PJA2: variants seen among roughly 807,000 people sequenced by gnomAD.
PJA2 encodes the protein praja ring finger ubiquitin ligase 2, also known as E3 ubiquitin-protein ligase Praja-2.
PJA2 carries 25 observed loss-of-function variants against 69.3 expected under a neutral mutation model. The ratio of observed to expected loss-of-function variants is 0.36; its 90% CI spans 0.26 to 0.50. The LOEUF (loss-of-function observed/expected upper bound fraction) is 0.50, where lower values mean the gene tolerates loss of function less well. PJA2 is among the 20% of genes least tolerant of loss of function. PJA2 has a pLI of 0.96. For synonymous variants in PJA2, 308 were observed against 277.8 expected, an observed-to-expected ratio of 1.11 and a Z score of -1.08; for missense variants, 809 against 830.2, an observed-to-expected ratio of 0.97 and a Z score of 0.31.
Position 109,335,198 on chromosome 5 carries a change from T to A in PJA2, c.*2033A>T, listed in dbSNP as rs543474365. 3.3e-5 allele frequency: 5 copies of A among 152,742 alleles called. No homozygotes were observed. Among genetic ancestry groups the A allele is most frequent in the Non-Finnish European group, 7.3e-5 (5 of 68,028 alleles). 9.5% of individuals were successfully genotyped at this position (152,742 alleles called of 1,614,324 possible). A position where few individuals can be genotyped will look rare whatever the true frequency, so the allele number is the denominator to read the frequency against. Reference sequence around the variant, plus strand: ...CCATGAAAATCCTAAAACCTCAATTTTCTTTTTCTTTTTTAAAATTTAAGC... The same window carrying A: ...CCATGAAAATCCTAAAACCTCAATTATCTTTTTCTTTTTTAAAATTTAAGC... On this transcript the variant is annotated 3_prime_UTR_variant, in exon 10 of 10. Coordinates refer to ENST00000361189, the MANE Select transcript of PJA2 (RefSeq NM_014819.5).
chr5:109,395,010 T>C (rs1230523163), intron 1 of PJA2, among the ~76,000 whole-genome samples: 1 of 152,186 alleles, frequency 6.6e-6, no homozygotes, highest in South Asian at 2.1e-4. Flanking sequence ...ACTATCTGTA[T>C]GAGCCAACAA....
intron 1 of PJA2, among the ~76,000 whole-genome samples, 183 bp from the exon 2 acceptor site, chr5:109,383,703 G>A (rs974849589): frequency 1.3e-5 from 2 of 152,142 alleles, no homozygotes; most frequent in African/African-American, 4.8e-5. Flanking sequence ...AGGCCAAGGC[G>A]AGCAAATCAG....
chr5:109,378,087 T>C (rs1582612544), intron 4 of PJA2, 117 bp downstream of exon 4: 4 of 692,924 alleles, frequency 5.8e-6, no homozygotes, highest in East Asian at 2.7e-5. Flanking sequence ...AAATATTTGG[T>C]AAGTCAAAAT....
chr5:109,358,895 G>T (rs1762465837), intron 6 of PJA2, among the ~76,000 whole-genome samples: 1 of 151,954 alleles, frequency 6.6e-6, no homozygotes, highest in South Asian at 2.1e-4. Flanking sequence ...CTAGTGGATG[G>T]AAGTTTGATA....
At chr5:109,388,839 T>A (rs1463516450) in intron 1 of PJA2, among the ~76,000 whole-genome samples, 1 of 152,200 alleles carries the variant, frequency 6.6e-6, no homozygotes, top group East Asian at 1.9e-4. Flanking sequence ...ATCAGTCTTG[T>A]ATAATTAACT....
chr5:109,397,252 A>G (rs896563575), intron 1 of PJA2, among the ~76,000 whole-genome samples: 1 of 152,222 alleles, frequency 6.6e-6, no homozygotes, highest in Non-Finnish European at 1.5e-5. Context: ...TTTATAAATT[A>G]CCCAGTCTTA....
chr5:109,383,925 C>G (rs760374145), intron 1 of PJA2, among the ~76,000 whole-genome samples: 1 of 152,046 alleles, frequency 6.6e-6, no homozygotes, highest in Non-Finnish European at 1.5e-5. Context: ...GAGATCCCGT[C>G]CCAAAAATAA....
chr5:109,370,959 C>T (rs1017695811), intron 4 of PJA2, among the ~76,000 whole-genome samples: 2 of 152,168 alleles, frequency 1.3e-5, no homozygotes, highest in African/African-American at 4.8e-5. Context: ...AACTTCAATA[C>T]AAGAGGAATG....
rs376023055 is a variant in PJA2 at position 109,383,510 on chromosome 5, G to A, written c.-77C>T. The A allele has an allele frequency of 3.5e-5, 41 of 1,186,200 alleles. No homozygotes were observed. Among genetic ancestry groups the A allele is most frequent in the African/African-American group, 6.0e-5 (4 of 67,000 alleles). The allele number at this position is 1,186,200 out of a possible 1,614,324, so 73.5% of individuals were successfully genotyped here. ...TTTTTATTCACACTATGGACAAGCCGCAGAAGATTCCTACAAAGAAACAAT... is the reference window on the plus strand; with the variant it reads ...TTTTTATTCACACTATGGACAAGCCACAGAAGATTCCTACAAAGAAACAAT... On this transcript the variant is annotated 5_prime_UTR_variant, in exon 2 of 10. Transcript: ENST00000361189.
rs1417984325 is a variant in PJA2 at position 109,344,791 on chromosome 5, G to C, written c.1793C>G (p.Ala598Gly). Residue 598 changes from alanine (A) to glycine (G), a missense_variant, in exon 8 of 10, where the codon GCA (alanine) becomes GGA (glycine). Ala to Gly is a moderately conservative substitution (Grantham distance 60). This residue lies in a region of PJA2 where 55 missense variants were observed against 90.7 expected (regional missense o/e 0.61). Coordinates refer to ENST00000361189, the MANE Select transcript of PJA2 (RefSeq NM_014819.5). ...TGGATTGGCCACCTCAACATCCACTGCAAGAGACTCTAAATGGGCCAGAGC... is the reference window on the plus strand; with the variant it reads ...TGGATTGGCCACCTCAACATCCACTCCAAGAGACTCTAAATGGGCCAGAGC... ...ETALAHLESL[A>G]VDVEVANPPA... The C allele has an allele frequency of 1.9e-6, 3 of 1,613,670 alleles. No individual in the cohort carries two copies. In the African/African-American group the frequency reaches 4.0e-5, roughly 22 times the overall value.
intron 4 of PJA2, among the ~76,000 whole-genome samples, chr5:109,369,995 G>A (rs1226732002): frequency 1.2e-4 from 16 of 135,976 alleles, no homozygotes; most frequent in East Asian, 2.2e-4. Flanking sequence ...TTGTGCCATC[G>A]CACTCCAGCC....
intron 9 of PJA2, among the ~76,000 whole-genome samples, chr5:109,338,455 C>T (rs530640648): frequency 6.6e-6 from 1 of 152,106 alleles, no homozygotes; most frequent in East Asian, 1.9e-4. Flanking sequence ...GCCTGGGCAA[C>T]ATGGTGAAAC....
Position 109,378,952 on chromosome 5 carries a change from C to A in PJA2, c.535G>T (p.Asp179Tyr). The A allele has an allele frequency of 6.2e-7, 1 of 1,614,118 alleles. No individual in the cohort carries two copies. The highest frequency in any genetic ancestry group is 1.1e-5 in the South Asian group (1 of 91,054). ...ACTTCTGCAGAAAGTTGAAGATGGT[C>A]ATTATCTTCTCCATGTTTGCCATCT... ...DPDGKHGEDNDHLQLSAEVVE... is the reference protein window; with the variant it reads ...DPDGKHGEDNYHLQLSAEVVE... Residue 179 changes from aspartate to tyrosine, a missense_variant, in exon 4 of 10, where the codon GAC becomes TAC. Transcript: ENST00000361189.
chr5:109,398,943 G>A (rs1747478667), intron 1 of PJA2, among the ~76,000 whole-genome samples: 1 of 152,044 alleles, frequency 6.6e-6, no homozygotes, highest in Admixed American at 6.6e-5. Context: ...CCGGGTGCAG[G>A]GCTCAGGCTT....
At chr5:109,392,329 G>T (rs1329012952) in intron 1 of PJA2, among the ~76,000 whole-genome samples, 1 of 123,758 alleles carries the variant, frequency 8.1e-6, no homozygotes, top group African/African-American at 2.5e-5. Flanking sequence ...GGGAAGCCGA[G>T]GCGGGTGGAT....
intron 4 of PJA2, among the ~76,000 whole-genome samples, chr5:109,374,307 C>T (rs144518088): frequency 6.6e-6 from 1 of 152,224 alleles, no homozygotes; most frequent in East Asian, 1.9e-4. Flanking sequence ...AACTTGAAAA[C>T]AAGATAAAAA....
At chr5:109,372,839 A>T (rs944931457) in intron 4 of PJA2, among the ~76,000 whole-genome samples, 1 of 137,406 alleles carries the variant, frequency 7.3e-6, no homozygotes, top group Non-Finnish European at 1.5e-5. Context: ...TGGGAGGTGG[A>T]GGTTGTGGTG....
chr5:109,403,714 C>A (rs112598750), intron 1 of PJA2, among the ~76,000 whole-genome samples: 4,479 of 145,996 alleles, frequency 0.031, 95 homozygotes, highest in Non-Finnish European at 0.048. Flanking sequence ...ATGATCATCT[C>A]AATAAATACA....
At chr5:109,408,171 C>T (rs1747732780) in intron 1 of PJA2, among the ~76,000 whole-genome samples, 2 of 152,138 alleles carry the variant, frequency 1.3e-5, no homozygotes, top group African/African-American at 4.8e-5. Context: ...TTAACAGTGG[C>T]TGACAATCAA....
Sources: gnomAD v4.1 joint callset for allele counts (sites outside exome capture counted in the v4.1 genomes callset) on GRCh38, gnomAD v4.1.1 for gene constraint, gnomAD v4.1.1 regional missense constraint, MANE v1.5 for transcripts, NCBI Gene and HGNC (gene_info 2026-07-23, HGNC 2026-07-21) for gene names.